Variants in DNASE1 observed in about 807,000 individuals in gnomAD.
DNASE1 encodes the protein deoxyribonuclease 1.
DNASE1 carries 40 observed loss-of-function variants against 33.9 expected under a neutral mutation model. That is an observed-to-expected ratio of 1.18 (90% CI 0.92 to 1.54). The LOEUF is 1.54. Ranked by LOEUF, DNASE1 falls within the 40% of genes most tolerant of loss-of-function variation. The probability of loss-of-function intolerance (pLI) is 0.00; values close to 1 mark genes in which losing one functional copy is unlikely to be tolerated. For missense variants in DNASE1, 518 were observed against 372.6 expected, an observed-to-expected ratio of 1.39 and a Z score of -3.21; for synonymous variants, 216 against 160.0, an observed-to-expected ratio of 1.35 and a Z score of -2.64.
chr16:3,640,112 G>A (rs2041990611), upstream of DNASE1, among the ~76,000 whole-genome samples: 1 of 152,166 alleles, frequency 6.6e-6, no homozygotes, highest in Non-Finnish European at 1.5e-5. Flanking sequence ...AATACCCCAC[G>A]AATTAGGAGA....
At chr16:3,618,169 TCAG>T (rs1324245141) in intron 1 of DNASE1, among the ~76,000 whole-genome samples, 1 of 147,320 alleles carries the variant, frequency 6.8e-6, no homozygotes, top group African/African-American at 2.5e-5. Context: ...GAAAAGATGA[TCAG>T]CATCATGAAT....
chr16:3,613,496 C>T (rs556721875), intron 1 of DNASE1, among the ~76,000 whole-genome samples: 2 of 152,288 alleles, frequency 1.3e-5, no homozygotes, highest in Non-Finnish European at 2.9e-5. Flanking sequence ...ACATTTGATT[C>T]TGAATGTTGA....
intron 1 of DNASE1, among the ~76,000 whole-genome samples, chr16:3,631,656 G>C (rs1350579698): frequency 6.6e-6 from 1 of 152,004 alleles, no homozygotes; most frequent in Non-Finnish European, 1.5e-5. Flanking sequence ...CCCTAGTAGT[G>C]GGATTATAAG....
At chr16:3,616,316 G>A (rs759004533) in intron 1 of DNASE1, among the ~76,000 whole-genome samples, 10 of 152,124 alleles carry the variant, frequency 6.6e-5, no homozygotes, top group Non-Finnish European at 1.0e-4. Context: ...TGGAAAAACC[G>A]ATGTTAAAAT....
At chr16:3,621,488 A>G (rs182706790) in intron 1 of DNASE1, among the ~76,000 whole-genome samples, 1 of 152,256 alleles carries the variant, frequency 6.6e-6, no homozygotes, top group African/African-American at 2.4e-5. Flanking sequence ...CTGACCTCCA[A>G]ACTCCCTCAT....
chr16:3,639,913 A>G (rs1237320680), upstream of DNASE1, among the ~76,000 whole-genome samples: 1 of 152,206 alleles, frequency 6.6e-6, no homozygotes, highest in East Asian at 1.9e-4. Flanking sequence ...AATGAAATAA[A>G]TTATTGGCTG....
intron 1 of DNASE1, among the ~76,000 whole-genome samples, chr16:3,621,957 A>G (rs542345099): frequency 1.1e-4 from 17 of 152,354 alleles, no homozygotes; most frequent in African/African-American, 3.6e-4. Flanking sequence ...GTGGTGGCTC[A>G]TGCCTGTAAT....
downstream of DNASE1, chr16:3,663,016 C>T (rs778115978): frequency 5.5e-5 from 81 of 1,475,966 alleles, no homozygotes; most frequent in Admixed American, 1.8e-4. Flanking sequence ...CCCAACTCCC[C>T]GGCTTCCATG....
At chr16:3,622,196 G>T (rs188140251) in intron 1 of DNASE1, among the ~76,000 whole-genome samples, 6 of 147,034 alleles carry the variant, frequency 4.1e-5, no homozygotes, top group African/African-American at 1.5e-4. Flanking sequence ...CTCCAGCCTA[G>T]GTGACAGAGC....
upstream of DNASE1, chr16:3,651,579 A>C (rs777323428): frequency 6.6e-6 from 1 of 152,316 alleles, no homozygotes; most frequent in Admixed American, 6.5e-5. Context: ...GACAGCACCC[A>C]TGGAATGTGG....
chr16:3,662,238 G>C (rs1470536626), downstream of DNASE1: 3 of 1,394,472 alleles, frequency 2.2e-6, no homozygotes, highest in African/African-American at 2.9e-5. Flanking sequence ...GTAGCAGGCG[G>C]GGTCTCAAGG....
At chr16:3,655,278 A>G in intron 1 of DNASE1, 95 bp from the exon 2 acceptor site, 1 of 1,563,484 alleles carries the variant, frequency 6.4e-7, no homozygotes. Flanking sequence ...CTTGAGCTCC[A>G]CCAGCCCCTG....
chr16:3,638,054 T>C (rs183342872), upstream of DNASE1, among the ~76,000 whole-genome samples: 41 of 152,240 alleles, frequency 2.7e-4, no homozygotes, highest in East Asian at 7.3e-3. Context: ...CTTCATTTTT[T>C]AATGATATTT....
At chr16:3,622,772 A>G (rs531308201) in intron 1 of DNASE1, among the ~76,000 whole-genome samples, 1 of 152,084 alleles carries the variant, frequency 6.6e-6, no homozygotes, top group East Asian at 1.9e-4. Flanking sequence ...TTTTAATAAA[A>G]TTTTTTCCAT....
At chr16:3,613,754 C>G (rs1376504302) in intron 1 of DNASE1, among the ~76,000 whole-genome samples, 3 of 152,050 alleles carry the variant, frequency 2.0e-5, no homozygotes, top group African/African-American at 7.2e-5. Flanking sequence ...TCCTTCCTTC[C>G]CTTCCTTGCT....
At chr16:3,659,068 A>T (rs1265033582), downstream of DNASE1, 1 of 577,172 alleles carries the variant, frequency 1.7e-6, no homozygotes, top group African/African-American at 1.9e-5. Flanking sequence ...CAGTATTAGA[A>T]AATGCTGTAA....
At chr16:3,657,136 G>A in intron 6 of DNASE1, 25 bp downstream of exon 6, 1 of 1,614,096 alleles carries the variant, frequency 6.2e-7, no homozygotes, top group East Asian at 2.2e-5. Flanking sequence ...GGGGCAGTGG[G>A]CACCAGCGGC....
upstream of DNASE1, among the ~76,000 whole-genome samples, chr16:3,640,406 C>T (rs75524122): frequency 3.5e-3 from 533 of 152,312 alleles, 3 homozygotes; most frequent in African/African-American, 0.012. Flanking sequence ...CTGCAGGTTC[C>T]GGCTGAGTTT....
downstream of DNASE1, chr16:3,662,601 C>T (rs1040722107): frequency 6.3e-6 from 4 of 635,472 alleles, no homozygotes; most frequent in South Asian, 4.6e-5. Flanking sequence ...GGAACCCCCA[C>T]GTCCTCAGCC....
Sources: gnomAD v4.1 joint callset for allele counts (sites outside exome capture counted in the v4.1 genomes callset) on GRCh38, gnomAD v4.1.1 for gene constraint, MANE v1.5 for transcripts, NCBI Gene and HGNC (gene_info 2026-07-23, HGNC 2026-07-21) for gene names.